BRCA1: variants seen among roughly 807,000 people sequenced by gnomAD.
BRCA1 encodes BRCA1 DNA repair associated.
A neutral mutation model predicts 173.7 loss-of-function variants in BRCA1; 140 were observed. That is an observed-to-expected ratio of 0.81 (90% CI 0.70 to 0.93). BRCA1 has a LOEUF of 0.93. Ranked by LOEUF, BRCA1 falls within the 40% of genes least tolerant of loss-of-function variation. BRCA1 has a pLI of 0.00. For missense variants in BRCA1, 1,983 were observed against 2,172.5 expected (o/e 0.91, Z 1.73); for synonymous variants, 662 against 756.0 (o/e 0.88, Z 2.04).
intron 1 of BRCA1, among the ~76,000 whole-genome samples, chr17:43,146,163 C>T (rs1282213052): frequency 6.6e-6 from 1 of 152,040 alleles, no homozygotes; most frequent in Admixed American, 6.6e-5. Context: ...GTGGGCCATA[C>T]ATAACAGCTG....
At chr17:43,057,588 G>A (rs1597811798) in intron 18 of BRCA1, among the ~76,000 whole-genome samples, 1 of 151,054 alleles carries the variant, frequency 6.6e-6, no homozygotes, top group Non-Finnish European at 1.5e-5. Flanking sequence ...GTAATCCCAG[G>A]ACTTTGGGAG....
rs867583694 is a variant in BRCA1, at chr17:43,086,109, T to C, written c.4186-3534A>G. ...TCCTATATTTATTTTATCACATACATACACACACACACACACACACACACA... is the reference window on the plus strand; with the variant it reads ...TCCTATATTTATTTTATCACATACACACACACACACACACACACACACACA... On this transcript the variant is annotated intron_variant, in intron 11 of 22. Transcript: ENST00000357654. Among the ~76,000 whole-genome samples, 208 of 137,440 alleles carry C rather than the reference T, an allele frequency of 1.5e-3. 1 individual carries two copies. The highest frequency in any genetic ancestry group is 3.9e-3 in the African/African-American group (147 of 37,832). 90.2% of individuals were successfully genotyped at this position (137,440 alleles called of 152,430 possible).
rs896199530 is a variant in BRCA1 at position 43,095,093 on chromosome 17, T to C, written c.671-233A>G. Among the ~76,000 whole-genome samples, 12 of 134,596 alleles carry C rather than the reference T, an allele frequency of 8.9e-5. 1 individual carries two copies. Among genetic ancestry groups the C allele is most frequent in the Admixed American group, 2.2e-4 (3 of 13,382 alleles). 88.3% of individuals were successfully genotyped at this position (134,596 alleles called of 152,430 possible). A position where few individuals can be genotyped will look rare whatever the true frequency, so the allele number is the denominator to read the frequency against. On this transcript the variant is annotated intron_variant, in intron 9 of 22. Transcript: ENST00000357654. The stretch of plus-strand genomic sequence containing the variant: ...ATTTTTAATTTCAGAATTTTCCCTA[T>C]GCAGAAACCACACCTATTTCTCTAA...
intron 1 of BRCA1, among the ~76,000 whole-genome samples, chr17:43,133,886 C>T (rs1487507230): frequency 2.0e-5 from 3 of 152,166 alleles, no homozygotes; most frequent in South Asian, 2.1e-4. Context: ...CCGCCTGCCT[C>T]GGACACTCAA....
At position 43,092,595 on chromosome 17, in the gene BRCA1, C is replaced by T. The variant is rs80356985; in HGVS notation, c.2936G>A (p.Arg979His). 12 of 1,613,814 alleles carry T rather than the reference C, an allele frequency of 7.4e-6. No homozygotes were observed. Among genetic ancestry groups the T allele is most frequent in the African/African-American group, 5.3e-5 (4 of 74,872 alleles). The change falls in exon 10 of 23, where the codon CGT (arginine) becomes CAT (histidine). Residue 979 changes from arginine (R) to histidine (H), a missense_variant. Physicochemically the swap from Arg to His is conservative, Grantham distance 29. Coordinates refer to ENST00000357654, the MANE Select transcript of BRCA1 (RefSeq NM_007294.4). Reference sequence around the variant, plus strand: ...CTTGATGGGAAAAAGTGGTGGTATACGATATGGGTTTTGTAAAAGTCCATG... The same window carrying T: ...CTTGATGGGAAAAAGTGGTGGTATATGATATGGGTTTTGTAAAAGTCCATG... ...NKHGLLQNPY[R>H]IPPLFPIKSF...
intron 18 of BRCA1, among the ~76,000 whole-genome samples, chr17:43,058,815 G>T (rs1437585758): frequency 2.0e-5 from 3 of 152,082 alleles, no homozygotes; most frequent in Non-Finnish European, 4.4e-5. Context: ...AAAGTTAGAG[G>T]TTTTTCATAA....
chr17:43,136,561 C>A (rs189169466), intron 1 of BRCA1, among the ~76,000 whole-genome samples: 33 of 152,286 alleles, frequency 2.2e-4, no homozygotes, highest in African/African-American at 7.7e-4. Flanking sequence ...TATCCAGAAT[C>A]TACAAAGAAC....
In BRCA1 at chr17:43,124,067, T is replaced by C. The variant is rs2055737161; in HGVS notation, c.30A>G (p.Glu10=). MDLSALRVE[E]VQNVINAMQK... ...GCATAGCATTAATGACATTTTGTAC[T>C]TCTTCAACGCGAAGAGCAGATAAAT... Residue 10 remains glutamate, a synonymous_variant, in exon 2 of 23, where the codon GAA becomes GAG. Transcript: ENST00000357654. The C allele has an allele frequency of 1.2e-6, 2 of 1,613,908 alleles. No homozygotes were observed. The highest frequency in any genetic ancestry group is 2.2e-5 in the South Asian group (2 of 91,084).
chr17:43,140,353 C>G (rs2056066661), intron 1 of BRCA1: 1 of 163,782 alleles, frequency 6.1e-6, no homozygotes, highest in African/African-American at 2.4e-5. Flanking sequence ...GTTTTGTGAG[C>G]TGTTCTAGCA....
intron 1 of BRCA1, among the ~76,000 whole-genome samples, chr17:43,141,703 T>G (rs2056076734): frequency 6.6e-6 from 1 of 151,374 alleles, no homozygotes; most frequent in Non-Finnish European, 1.5e-5. Flanking sequence ...TCCCAGCTAC[T>G]TGGGAGGCTG....
chr17:43,114,405 T>TC (rs1182822040), intron 3 of BRCA1, among the ~76,000 whole-genome samples: 92 of 151,754 alleles, frequency 6.1e-4, no homozygotes, highest in African/African-American at 2.2e-3. Context: ...TTTTTTTTTT[T>TC]TGAGTCTCCC....
At position 43,093,968 on chromosome 17, in the gene BRCA1, T is replaced by C. The variant is rs754970915; in HGVS notation, c.1563A>G (p.Ala521=). The C allele has an allele frequency of 3.1e-6, 5 of 1,613,746 alleles. No homozygotes were observed. In the South Asian group the frequency reaches 5.5e-5, roughly 18 times the overall value. ...CAGGAGTCTTTTGAACTGCCAAATC[T>C]GCTTTCTTGATAAAATCCTCAGGAT... ...GLHPEDFIKK[A]DLAVQKTPEM... is the part of the protein sequence containing the mutation. The change falls in exon 10 of 23, where the codon GCA becomes GCG. Residue 521 remains alanine, a synonymous_variant. Coordinates refer to ENST00000357654, the MANE Select transcript of BRCA1 (RefSeq NM_007294.4).
In BRCA1 at chr17:43,093,378, A is replaced by C. The variant is rs748550848; in HGVS notation, c.2153T>G (p.Leu718Arg). ...AAGGCTAGGATTGACAAATTCTTTA[A>C]GTTCACTGGTATTTGAACACTTAGT... Reference protein sequence around the residue: ...SFTKCSNTSELKEFVNPSLPR... With the variant: ...SFTKCSNTSERKEFVNPSLPR... The change falls in exon 10 of 23, where the codon CTT (leucine) becomes CGT (arginine). Residue 718 changes from leucine to arginine, a missense_variant. Leu to Arg is a moderately radical substitution (Grantham distance 102). Coordinates refer to ENST00000357654, the MANE Select transcript of BRCA1 (RefSeq NM_007294.4). The C allele has an allele frequency of 1.9e-6, 3 of 1,613,988 alleles. No homozygotes were observed. The highest frequency in any genetic ancestry group is 1.7e-5 in the Admixed American group (1 of 59,994).
At chr17:43,168,145 T>C (rs1386014742) in intron 1 of BRCA1, 1 of 351,962 alleles carries the variant, frequency 2.8e-6, no homozygotes, top group South Asian at 2.4e-5. Context: ...GAATCCCAAA[T>C]TAATACCCTC....
chr17:43,045,925 T>A, intron 22 of BRCA1, 123 bp from the exon 23 acceptor site: 1 of 1,093,090 alleles, frequency 9.1e-7, no homozygotes, highest in Non-Finnish European at 1.3e-6. Flanking sequence ...GAAGCTAATT[T>A]TTTTTTTTTT....
At chr17:43,107,104 TC>T (rs1314594533) in intron 3 of BRCA1, among the ~76,000 whole-genome samples, 2 of 147,530 alleles carry the variant, frequency 1.4e-5, no homozygotes, top group East Asian at 2.0e-4. Flanking sequence ...TCGCTCTGTC[TC>T]CCAGGCTGGA....
At chr17:43,091,178 T>C in intron 10 of BRCA1, 146 bp from the exon 11 acceptor site, 1 of 942,086 alleles carries the variant, frequency 1.1e-6, no homozygotes, top group South Asian at 1.4e-5. Flanking sequence ...ACACCTGGAT[T>C]TGCTTTTATA....
Position 43,130,739 on chromosome 17 carries a change from A to G in BRCA1, c.-19-6624T>C, listed in dbSNP as rs140426102. Among the ~76,000 whole-genome samples the G allele has an allele frequency of 1.9e-3, 296 of 152,352 alleles. 1 individual carries two copies. Among genetic ancestry groups the G allele is most frequent in the Middle Eastern group, 0.017 (5 of 294 alleles). ...ACATATTAGACCTATTTTACAGATTAAAGAACTGAAGCTCAAAGGTGAACT... is the reference window on the plus strand; with the variant it reads ...ACATATTAGACCTATTTTACAGATTGAAGAACTGAAGCTCAAAGGTGAACT... On this transcript the variant is annotated intron_variant, in intron 1 of 7. Transcript: ENST00000634433.
At chr17:43,159,108 G>A (rs1046577429) in intron 1 of BRCA1, among the ~76,000 whole-genome samples, 3 of 152,086 alleles carry the variant, frequency 2.0e-5, no homozygotes, top group Non-Finnish European at 2.9e-5. Flanking sequence ...CAAATTAGCT[G>A]GGCATGGTGA....
Sources: allele counts gnomAD v4.1 joint callset (sites outside exome capture counted in the v4.1 genomes callset), GRCh38; gene constraint gnomAD v4.1.1; transcripts MANE v1.5; gene names NCBI Gene and HGNC (gene_info 2026-07-23, HGNC 2026-07-21).